Variants in SPAG9 observed in about 807,000 individuals in gnomAD.
The protein encoded by SPAG9 is C-Jun-amino-terminal kinase-interacting protein 4.
A neutral mutation model predicts 166.5 loss-of-function variants in SPAG9; 35 were observed. That is an observed-to-expected ratio of 0.21 (90% confidence interval 0.16 to 0.28). The LOEUF (loss-of-function observed/expected upper bound fraction) is 0.28, where lower values mean the gene tolerates loss of function less well. Ranked by LOEUF, SPAG9 falls within the 10% of genes least tolerant of loss-of-function variation. The pLI, the probability that SPAG9 is intolerant of heterozygous loss-of-function variation, is 1.00. For missense variants in SPAG9, 1,235 were observed against 1,603.3 expected, an observed-to-expected ratio of 0.77 and a Z score of 3.92; for synonymous variants, 534 against 565.5, an observed-to-expected ratio of 0.94 and a Z score of 0.79.
At chr17:51,070,289 A>AT (rs2047788084) in intron 2 of SPAG9, among the ~76,000 whole-genome samples, 1 of 152,236 alleles carries the variant, frequency 6.6e-6, no homozygotes, top group Admixed American at 6.6e-5. Context: ...AAATGATTCT[A>AT]TATCAGCTCT....
At chr17:50,992,423 T>C (rs1975662696) in intron 19 of SPAG9, among the ~76,000 whole-genome samples, 1 of 152,110 alleles carries the variant, frequency 6.6e-6, no homozygotes, top group African/African-American at 2.4e-5. Flanking sequence ...GGCATCCCAA[T>C]ACTTCGGGAG....
chr17:51,080,062 C>G (rs2048118580), intron 1 of SPAG9, among the ~76,000 whole-genome samples: 1 of 152,060 alleles, frequency 6.6e-6, no homozygotes, highest in East Asian at 1.9e-4. Context: ...ATGGAATAAT[C>G]AATAAATATT....
Position 50,993,946 on chromosome 17 carries a change from A to G in SPAG9, c.2227-11T>C. The G allele has an allele frequency of 6.2e-7, 1 of 1,610,818 alleles. No homozygotes were observed. The highest frequency in any genetic ancestry group is 8.5e-7 in the Non-Finnish European group (1 of 1,177,690). ...CTCCTTCTGCTGTTCCTGTATAGGC[A>G]AAGGAGGAAAAATGTTTAAAACAAT... On this transcript the variant is annotated splice_polypyrimidine_tract_variant and intron_variant, in intron 18 of 29. Transcript: ENST00000262013.
At chr17:51,007,778 G>A (rs908057205) in intron 9 of SPAG9, 15 of 428,662 alleles carry the variant, frequency 3.5e-5, no homozygotes, top group South Asian at 2.5e-4. Flanking sequence ...CTTATTAATA[G>A]AGAACAGGCA....
At chr17:50,979,665 A>C (rs1262274225) in intron 26 of SPAG9, 81 bp downstream of exon 26, 2 of 1,336,958 alleles carry the variant, frequency 1.5e-6, no homozygotes, top group Non-Finnish European at 2.1e-6. Flanking sequence ...ACAAAGCAAG[A>C]CCTCATTTCA....
At chr17:51,012,422 TAGTC>T (rs1208909599) in intron 9 of SPAG9, among the ~76,000 whole-genome samples, 2 of 151,572 alleles carry the variant, frequency 1.3e-5, no homozygotes, top group Non-Finnish European at 1.5e-5. Context: ...ATACAAAAAT[TAGTC>T]AGGCATGGTG....
intron 8 of SPAG9, among the ~76,000 whole-genome samples, chr17:51,019,510 T>C (rs1350707582): frequency 1.3e-5 from 2 of 151,986 alleles, no homozygotes; most frequent in African/African-American, 2.4e-5. Context: ...TGAGCTGAGA[T>C]TGCACCACTG....
At chr17:51,076,192 C>T (rs1401213077) in intron 2 of SPAG9, among the ~76,000 whole-genome samples, 1 of 151,910 alleles carries the variant, frequency 6.6e-6, no homozygotes, top group East Asian at 1.9e-4. Flanking sequence ...GAGGCCGAGG[C>T]GGGCGGACTG....
intron 4 of SPAG9, among the ~76,000 whole-genome samples, chr17:51,045,411 T>C (rs1454619567): frequency 3.9e-5 from 6 of 152,300 alleles, no homozygotes; most frequent in Middle Eastern, 3.4e-3. Context: ...TCCCAATTTT[T>C]ATAAATCAGG....
At chr17:51,094,517 CCAG>C (rs2048558480) in intron 1 of SPAG9, among the ~76,000 whole-genome samples, 1 of 152,144 alleles carries the variant, frequency 6.6e-6, no homozygotes, top group Admixed American at 6.6e-5. Flanking sequence ...ATTGACGAAT[CCAG>C]CACTTTTTGT....
chr17:51,030,161 A>T (rs1368053576), intron 6 of SPAG9, among the ~76,000 whole-genome samples: 1 of 152,216 alleles, frequency 6.6e-6, no homozygotes, highest in African/African-American at 2.4e-5. Context: ...GCTTAGTGCT[A>T]TACAGAATAT....
At chr17:51,025,061 G>A (rs1285800311) in intron 6 of SPAG9, among the ~76,000 whole-genome samples, 6 of 151,466 alleles carry the variant, frequency 4.0e-5, no homozygotes, top group African/African-American at 9.7e-5. Context: ...GCTCACGCCT[G>A]TAATCCCAGC....
chr17:51,053,852 A>ATATATATATATATAT (rs1276804629), intron 3 of SPAG9, among the ~76,000 whole-genome samples: 4 of 49,328 alleles, frequency 8.1e-5, no homozygotes, highest in Non-Finnish European at 1.0e-4. Flanking sequence ...AAAAAAAAAA[A>ATATATATATATATAT]AAGTATATAT....
At chr17:51,048,879 A>G (rs1199695638) in intron 3 of SPAG9, among the ~76,000 whole-genome samples, 1 of 152,192 alleles carries the variant, frequency 6.6e-6, no homozygotes, top group Non-Finnish European at 1.5e-5. Flanking sequence ...TTTAATTGAC[A>G]TACTTTTTAT....
At chr17:51,026,381 G>C (rs910880610) in intron 6 of SPAG9, among the ~76,000 whole-genome samples, 1 of 149,970 alleles carries the variant, frequency 6.7e-6, no homozygotes, top group South Asian at 2.1e-4. Flanking sequence ...ACAGGAAAGG[G>C]ACCATGATAC....
chr17:51,047,560 A>G (rs1350792432), intron 3 of SPAG9, 91 bp from the exon 4 acceptor site: 2 of 585,068 alleles, frequency 3.4e-6, no homozygotes, highest in Non-Finnish European at 5.7e-6. Flanking sequence ...TTTTGGTACA[A>G]TTTTCTTATC....
At chr17:51,094,666 T>C (rs1436276916) in intron 1 of SPAG9, among the ~76,000 whole-genome samples, 2 of 152,164 alleles carry the variant, frequency 1.3e-5, no homozygotes, top group Non-Finnish European at 2.9e-5. Context: ...CCCCTAATGA[T>C]ATAATAAGGA....
chr17:51,064,748 T>C (rs567620744), intron 2 of SPAG9, among the ~76,000 whole-genome samples: 7 of 152,288 alleles, frequency 4.6e-5, no homozygotes, highest in African/African-American at 1.4e-4. Context: ...CTTGGGGTGA[T>C]AAAAATGTTC....
intron 9 of SPAG9, among the ~76,000 whole-genome samples, chr17:51,011,186 C>T (rs1173251870): frequency 1.3e-5 from 2 of 151,698 alleles, no homozygotes; most frequent in African/African-American, 2.4e-5. Flanking sequence ...GTTGCGCTGG[C>T]GTGATGGTGC....
Sources: gnomAD v4.1 joint callset for allele counts (sites outside exome capture counted in the v4.1 genomes callset) on GRCh38, gnomAD v4.1.1 for gene constraint, MANE v1.5 for transcripts, NCBI Gene and HGNC (gene_info 2026-07-23, HGNC 2026-07-21) for gene names.